FYB1: variants seen among roughly 807,000 people sequenced by gnomAD.
FYB1 encodes the protein FYN binding protein 1.
FYB1 carries 41 observed loss-of-function variants against 94.1 expected under a neutral mutation model. The ratio of observed to expected loss-of-function variants is 0.44; its 90% confidence interval spans 0.34 to 0.57. FYB1 has a LOEUF of 0.57. Among genes scored for constraint, FYB1 ranks in the 20% least tolerant of loss-of-function variants. The probability of loss-of-function intolerance (pLI) is 0.02; values close to 1 mark genes in which losing one functional copy is unlikely to be tolerated. For synonymous variants in FYB1, 367 were observed against 353.2 expected, an observed-to-expected ratio of 1.04 and a Z score of -0.44; for missense variants, 1,050 against 976.8, an observed-to-expected ratio of 1.07 and a Z score of -1.00.
chr5:39,213,774 C>T (rs1019050576), intron 1 of FYB1, among the ~76,000 whole-genome samples: 30 of 152,088 alleles, frequency 2.0e-4, no homozygotes, highest in Non-Finnish European at 3.7e-4. Flanking sequence ...CATGAACCAT[C>T]TAACTGGTAG....
intron 1 of FYB1, among the ~76,000 whole-genome samples, chr5:39,231,742 G>C (rs1251344660): frequency 6.6e-6 from 1 of 150,956 alleles, no homozygotes; most frequent in Non-Finnish European, 1.5e-5. Flanking sequence ...CAGAGGTGCA[G>C]AGAGCTATTT....
At position 39,118,918 on chromosome 5, in the gene FYB1, G is replaced by A. The variant is rs779141473; in HGVS notation, c.2357C>T (p.Thr786Ile). 2 of 1,557,154 alleles carry A rather than the reference G, an allele frequency of 1.3e-6. No homozygotes were observed. The highest frequency in any genetic ancestry group is 8.7e-7 in the Non-Finnish European group (1 of 1,147,006). ...GCAGAGAACTTTTGTGTCATCTGTGGTTTGTATAACTTCTAGAGATTCACC... is the reference window on the plus strand; with the variant it reads ...GCAGAGAACTTTTGTGTCATCTGTGATTTGTATAACTTCTAGAGATTCACC... ...KPGESLEVIQ[T>I]TDDTKVLCRN... is the part of the protein sequence containing the mutation. The change falls in exon 16 of 19, where the codon ACC (threonine) becomes ATC (isoleucine). Residue 786 changes from threonine to isoleucine, a missense_variant. Coordinates refer to ENST00000512982, the MANE Select transcript of FYB1 (RefSeq NM_001465.6).
At chr5:39,271,988 T>C (rs1436015524) in intron 1 of FYB1, among the ~76,000 whole-genome samples, 2 of 152,210 alleles carry the variant, frequency 1.3e-5, no homozygotes, top group Non-Finnish European at 2.9e-5. Flanking sequence ...GCCTCTTATC[T>C]ACTGTCTGTT....
chr5:39,108,077 C>T (rs1302936528), intron 18 of FYB1, among the ~76,000 whole-genome samples, 154 bp downstream of exon 18: 2 of 151,838 alleles, frequency 1.3e-5, no homozygotes, highest in African/African-American at 2.4e-5. Context: ...ATTTTCCCCC[C>T]ATTATGCCAG....
chr5:39,152,762 G>A (rs1048133493), intron 3 of FYB1, among the ~76,000 whole-genome samples: 2 of 152,146 alleles, frequency 1.3e-5, no homozygotes, highest in Non-Finnish European at 2.9e-5. Flanking sequence ...TCAAGCAAGA[G>A]CAGGCTTGAA....
intron 1 of FYB1, among the ~76,000 whole-genome samples, chr5:39,241,208 G>A (rs1197711103): frequency 6.6e-6 from 1 of 152,116 alleles, no homozygotes; most frequent in Non-Finnish European, 1.5e-5. Flanking sequence ...TGCCTATTGG[G>A]TACTATGCTG....
In FYB1 at chr5:39,141,096, A is replaced by G. The variant is rs565755754; in HGVS notation, c.1338T>C (p.Asp446=). The change falls in exon 4 of 19, where the codon GAT becomes GAC. Residue 446 remains aspartate, a splice_region_variant and synonymous_variant. Transcript: ENST00000512982. ...EDNQDGVTHS[D]GAGNLDEEQD... is the part of the protein sequence containing the mutation. ...ATAAAATATGTTTTTGTCGTTTACC[A>G]TCAGAGTGCGTGACACCATCTTGAT... The G allele has an allele frequency of 1.7e-5, 27 of 1,583,426 alleles. No homozygotes were observed. The highest frequency in any genetic ancestry group is 2.2e-5 in the Non-Finnish European group (25 of 1,161,814).
chr5:39,175,364 C>T lies in FYB1; in HGVS notation c.1136-21760G>A, dbSNP rs138520091. Among the ~76,000 whole-genome samples the T allele has an allele frequency of 8.9e-4, 135 of 152,252 alleles. 1 individual carries two copies. The highest frequency in any genetic ancestry group is 3.2e-3 in the African/African-American group (132 of 41,550). ...GGTTGATTGATGACTCTGATATAAG[C>T]GGTGAACATTGTTGGATTGAGTTGA... On this transcript the variant is annotated intron_variant, in intron 2 of 18. Coordinates refer to ENST00000512982, the MANE Select transcript of FYB1 (RefSeq NM_001465.6).
At chr5:39,127,481 C>T (rs1305719740) in intron 11 of FYB1, among the ~76,000 whole-genome samples, 1 of 143,186 alleles carries the variant, frequency 7.0e-6, no homozygotes, top group African/African-American at 2.6e-5. Context: ...AAATACACAA[C>T]ACCTGTAATT....
intron 3 of FYB1, among the ~76,000 whole-genome samples, chr5:39,145,063 G>T (rs1285578572): frequency 6.6e-6 from 1 of 152,140 alleles, no homozygotes; most frequent in Non-Finnish European, 1.5e-5. Context: ...TGAGGGTATA[G>T]ATAAGACAAG....
chr5:39,141,386 C>T (rs555808639), intron 3 of FYB1, among the ~76,000 whole-genome samples: 2 of 152,176 alleles, frequency 1.3e-5, no homozygotes, highest in South Asian at 2.1e-4. Flanking sequence ...ACAATTAATC[C>T]GTTGCTTCTG....
At chr5:39,258,311 T>C (rs1222812708) in intron 1 of FYB1, among the ~76,000 whole-genome samples, 3 of 152,060 alleles carry the variant, frequency 2.0e-5, no homozygotes, top group African/African-American at 7.2e-5. Flanking sequence ...ACGAAAGATA[T>C]GAAGCTAGCC....
At chr5:39,248,495 A>T (rs569316075) in intron 1 of FYB1, among the ~76,000 whole-genome samples, 3 of 152,280 alleles carry the variant, frequency 2.0e-5, no homozygotes, top group African/African-American at 7.2e-5. Context: ...ATGCTATAAC[A>T]TGGAGAAACC....
intron 1 of FYB1, among the ~76,000 whole-genome samples, chr5:39,267,375 T>TCAA (rs983312953): frequency 6.6e-6 from 1 of 150,982 alleles, no homozygotes; most frequent in Non-Finnish European, 1.5e-5. Context: ...ATCATCATCA[T>TCAA]CATCATCATC....
intron 2 of FYB1, among the ~76,000 whole-genome samples, chr5:39,195,678 A>G (rs1364025770): frequency 6.6e-6 from 1 of 152,240 alleles, no homozygotes; most frequent in Non-Finnish European, 1.5e-5. Context: ...TCTCAGCAGT[A>G]TTAAGAACAA....
At chr5:39,241,830 CTTTT>C (rs34776914) in intron 1 of FYB1, among the ~76,000 whole-genome samples, 15 of 147,806 alleles carry the variant, frequency 1.0e-4, no homozygotes, top group African/African-American at 3.4e-4. Context: ...AGTTTAAGCT[CTTTT>C]TTTTTTTTTT....
Position 39,247,639 on chromosome 5 carries a change from C to T in FYB1, c.-28+26764G>A, listed in dbSNP as rs1439437706. ...TATTATTTATATTGGATATTTTTTA[C>T]CCCATACATATATTTATAGCCATTT... On this transcript the variant is annotated intron_variant, in intron 1 of 1. Coordinates refer to the FYB1 transcript ENST00000510188. Among the ~76,000 whole-genome samples, 4 of 152,044 alleles carry T rather than the reference C, an allele frequency of 2.6e-5. No homozygotes were observed. In the South Asian group the frequency reaches 6.2e-4, roughly 24 times the overall value.
chr5:39,189,379 C>T (rs941118177), intron 2 of FYB1, among the ~76,000 whole-genome samples: 1 of 151,888 alleles, frequency 6.6e-6, no homozygotes, highest in African/African-American at 2.4e-5. Flanking sequence ...TGAATATATT[C>T]TATTCATCAA....
intron 16 of FYB1, among the ~76,000 whole-genome samples, chr5:39,116,518 AT>A (rs1739586464): frequency 6.6e-6 from 1 of 152,222 alleles, no homozygotes. Context: ...GGCCTGTAGT[AT>A]TTGTAATAGT....
Sources: allele counts gnomAD v4.1 joint callset (sites outside exome capture counted in the v4.1 genomes callset), GRCh38; gene constraint gnomAD v4.1.1; transcripts MANE v1.5; gene names NCBI Gene and HGNC (gene_info 2026-07-23, HGNC 2026-07-21).